The following MCM10 variants were observed in gnomAD, a reference collection of about 807,000 sequenced individuals.
MCM10 encodes the protein minichromosome maintenance 10 replication initiation factor.
In MCM10, 91 loss-of-function variants were observed where a neutral mutation model predicts 109.9. That is an observed-to-expected ratio of 0.83 (90% CI 0.70 to 0.99). MCM10 has a LOEUF of 0.99. MCM10 is among the 50% of genes least tolerant of loss of function. MCM10 has a pLI of 0.00. For synonymous variants in MCM10, 380 were observed against 387.2 expected (o/e 0.98, Z 0.22); for missense variants, 1,077 against 1,061.2 (o/e 1.01, Z -0.21).
chr10:13,192,675 G>A (rs1376495001), intron 13 of MCM10, 107 bp downstream of exon 13: 5 of 971,260 alleles, frequency 5.1e-6, no homozygotes, highest in African/African-American at 1.6e-5. Flanking sequence ...GGTTGGCTGC[G>A]TTTTAACTCT....
chr10:13,203,104 C>G (rs1184967703), intron 17 of MCM10, among the ~76,000 whole-genome samples: 1 of 152,172 alleles, frequency 6.6e-6, no homozygotes, highest in Non-Finnish European at 1.5e-5. Context: ...CTTGGCCTCC[C>G]AAAGCGCTGG....
chr10:13,203,110 G>C (rs1295165594), intron 17 of MCM10, among the ~76,000 whole-genome samples: 1 of 152,092 alleles, frequency 6.6e-6, no homozygotes, highest in Admixed American at 6.5e-5. Context: ...CTCCCAAAGC[G>C]CTGGGATTAC....
In MCM10 at chr10:13,198,727, GAAC is replaced by G; in HGVS notation, c.2162_2164del (p.Gln721del). The G allele has an allele frequency of 6.2e-7, 1 of 1,613,926 alleles. No individual in the cohort carries two copies. Among genetic ancestry groups the G allele is most frequent in the South Asian group, 1.1e-5 (1 of 91,066 alleles). On this transcript the variant is annotated inframe_deletion, in exon 16 of 20. Transcript: ENST00000378714. ...GGAGCCTGCCAGGAAAAAAAGGAGAGAACAACTTGCCTATCTGGAATCTGAGGA... is the reference window on the plus strand; with the variant it reads ...GGAGCCTGCCAGGAAAAAAAGGAGAGAACTTGCCTATCTGGAATCTGAGGA...
Position 13,182,785 on chromosome 10 carries a change from T to A in MCM10, c.931-148T>A. The A allele has an allele frequency of 1.7e-6, 1 of 592,868 alleles. No homozygotes were observed. The highest frequency in any genetic ancestry group is 2.8e-5 in the East Asian group (1 of 35,762). 36.7% of individuals were successfully genotyped at this position (592,868 alleles called of 1,614,324 possible). On this transcript the variant is annotated intron_variant, in intron 7 of 19. Transcript: ENST00000378714. The surrounding 1 kb of genome is among the most constrained non-coding windows in gnomAD (Gnocchi z 4.2). ...GAGAATGGGTTAAAGTTATCACACA[T>A]GCTGATGATACATATTTGAATAACA...
At chr10:13,206,670 G>A (rs887660469) in intron 18 of MCM10, among the ~76,000 whole-genome samples, 6 of 152,066 alleles carry the variant, frequency 3.9e-5, no homozygotes, top group South Asian at 2.1e-4. Context: ...TATGGAAAAC[G>A]TTAGAAAAAT....
Position 13,189,614 on chromosome 10 carries a change from C to T in MCM10, c.1415+534C>T, listed in dbSNP as rs1332898261. ...CTGGGATTACAGGCATGAGCCACTGCTCCCAGCCCCTCTTTGACTTCTAAT... is the reference window on the plus strand; with the variant it reads ...CTGGGATTACAGGCATGAGCCACTGTTCCCAGCCCCTCTTTGACTTCTAAT... On this transcript the variant is annotated intron_variant, in intron 10 of 19. Coordinates refer to ENST00000378714, the MANE Select transcript of MCM10 (RefSeq NM_018518.5). Among the ~76,000 whole-genome samples the T allele has an allele frequency of 2.0e-5, 3 of 152,188 alleles. No homozygotes were observed. In the East Asian group the frequency reaches 5.8e-4, roughly 29 times the overall value.
chr10:13,176,760 G>A (rs1011118520), intron 6 of MCM10, among the ~76,000 whole-genome samples: 1 of 152,140 alleles, frequency 6.6e-6, no homozygotes, highest in Non-Finnish European at 1.5e-5. Context: ...GGACACAGTG[G>A]TGTGCACCTG....
At chr10:13,175,868 G>A (rs1464435351) in intron 6 of MCM10, among the ~76,000 whole-genome samples, 187 bp downstream of exon 6, 6 of 152,118 alleles carry the variant, frequency 3.9e-5, no homozygotes, top group African/African-American at 1.4e-4. Flanking sequence ...CATATAAAAT[G>A]TTTAAGAAAG....
Position 13,175,491 on chromosome 10 carries a change from A to G in MCM10, c.593-19A>G. The G allele has an allele frequency of 6.2e-7, 1 of 1,610,136 alleles. No individual in the cohort carries two copies. Among genetic ancestry groups the G allele is most frequent in the Non-Finnish European group, 8.5e-7 (1 of 1,176,760 alleles). The stretch of plus-strand genomic sequence containing the variant: ...TTATCAGTGTGGTTGCCTTTTCATT[A>G]ATTGTGTTAATTTTCTAGATCCCAA... On this transcript the variant is annotated intron_variant, in intron 5 of 19. Coordinates refer to ENST00000378714, the MANE Select transcript of MCM10 (RefSeq NM_018518.5).
At chr10:13,198,561 CG>C in intron 15 of MCM10, 127 bp from the exon 16 acceptor site, 1 of 670,416 alleles carries the variant, frequency 1.5e-6, no homozygotes, top group Non-Finnish European at 2.7e-6. Flanking sequence ...CTGGGACCAG[CG>C]GGGGTAGGTC....
Position 13,210,824 on chromosome 10 carries a change from A to G in MCM10, c.*1514A>G, listed in dbSNP as rs529652297. 6.6e-6 allele frequency: 1 copy of G among 152,340 alleles called. No homozygotes were observed. The highest frequency in any genetic ancestry group is 1.9e-4 in the East Asian group (1 of 5,186). 9.4% of individuals were successfully genotyped at this position (152,340 alleles called of 1,614,324 possible). A position where few individuals can be genotyped will look rare whatever the true frequency, so the allele number is the denominator to read the frequency against. On this transcript the variant is annotated 3_prime_UTR_variant, in exon 20 of 20. Transcript: ENST00000378714. ...AAAGCACTTGAAACTGATGTTTTTA[A>G]TGGCTCATTTAGGGTAGATTTATTT...
intron 6 of MCM10, among the ~76,000 whole-genome samples, chr10:13,180,044 A>G (rs1834190216): frequency 6.6e-6 from 1 of 152,200 alleles, no homozygotes; most frequent in Admixed American, 6.5e-5. Flanking sequence ...GCTTGAGGCC[A>G]GGAGTTTGAG....
chr10:13,171,091 T>C lies in MCM10; in HGVS notation c.177T>C (p.Ala59=). 9 of 1,614,182 alleles carry C rather than the reference T, an allele frequency of 5.6e-6. No individual in the cohort carries two copies. The highest frequency in any genetic ancestry group is 7.6e-6 in the Non-Finnish European group (9 of 1,180,040). Reference sequence around the variant, plus strand: ...ACGGTGAATCTTATACAGAAGAGGCTGATGATGGAGAAACAGGAGAGACAA... The same window carrying C: ...ACGGTGAATCTTATACAGAAGAGGCCGATGATGGAGAAACAGGAGAGACAA... ...DGDGESYTEE[A]DDGETGETRD... is the part of the protein sequence containing the mutation. Residue 59 remains alanine, a synonymous_variant, in exon 3 of 20, where the codon GCT becomes GCC. Transcript: ENST00000378714.
At chr10:13,162,457 G>C (rs894258165) in intron 1 of MCM10, among the ~76,000 whole-genome samples, 2 of 152,152 alleles carry the variant, frequency 1.3e-5, no homozygotes, top group Non-Finnish European at 2.9e-5. Flanking sequence ...CAGATTGCAC[G>C]GGGACAAAGA....
chr10:13,195,152 C>G lies in MCM10; in HGVS notation c.1857C>G (p.Ala619=). 6.2e-7 allele frequency: 1 copy of G among 1,614,104 alleles called. No homozygotes were observed. The highest frequency in any genetic ancestry group is 8.5e-7 in the Non-Finnish European group (1 of 1,180,022). The change falls in exon 14 of 20, where the codon GCC becomes GCG. Residue 619 remains alanine, a synonymous_variant. Transcript: ENST00000378714. The part of the protein sequence containing the change: ...TGSEFPRLEG[A]PATMTPKLGR... ...CCGAGTTCCCCAGGCTGGAGGGAGCCCCGGCCACAATGACGCCCAAGCTGG... is the reference window on the plus strand; with the variant it reads ...CCGAGTTCCCCAGGCTGGAGGGAGCGCCGGCCACAATGACGCCCAAGCTGG...
At chr10:13,204,154 G>C in intron 17 of MCM10, 65 bp from the exon 18 acceptor site, 8 of 1,577,650 alleles carry the variant, frequency 5.1e-6, no homozygotes, top group Non-Finnish European at 6.9e-6. Context: ...TGCCCTTACT[G>C]CAGCTGAGCA....
chr10:13,167,983 A>T (rs953718202), intron 2 of MCM10, among the ~76,000 whole-genome samples: 1 of 152,166 alleles, frequency 6.6e-6, no homozygotes, highest in African/African-American at 2.4e-5. Context: ...CAGAGAAGAC[A>T]TGATTTTTGG....
chr10:13,195,006 C>T (rs1479882552), intron 13 of MCM10, 35 bp from the exon 14 acceptor site: 1 of 1,581,206 alleles, frequency 6.3e-7, no homozygotes, highest in Non-Finnish European at 8.7e-7. Context: ...TTTCGTAAAC[C>T]CTGTTTGCGT....
Position 13,209,354 on chromosome 10 carries a change from G to A in MCM10, c.*44G>A. The A allele has an allele frequency of 6.8e-7, 1 of 1,476,870 alleles. No individual in the cohort carries two copies. Among genetic ancestry groups the A allele is most frequent in the Non-Finnish European group, 9.4e-7 (1 of 1,058,232 alleles). The allele number at this position is 1,476,870 out of a possible 1,614,324, so 91.5% of individuals were successfully genotyped here. ...TCCCACAGACTTCCTGGCCTCCTGT[G>A]ACTCTGGAAAGCAAAGGATTGGCTG... On this transcript the variant is annotated 3_prime_UTR_variant, in exon 20 of 20. Coordinates refer to ENST00000378714, the MANE Select transcript of MCM10 (RefSeq NM_018518.5).
Sources: allele counts gnomAD v4.1 joint callset (sites outside exome capture counted in the v4.1 genomes callset), GRCh38; gene constraint gnomAD v4.1.1; non-coding constraint Gnocchi (gnomAD v3.1); transcripts MANE v1.5; gene names NCBI Gene and HGNC (gene_info 2026-07-23, HGNC 2026-07-21).